Variants in ANK2 observed in about 807,000 individuals in gnomAD.
ANK2 encodes the protein ankyrin-2.
In ANK2, 83 loss-of-function variants were observed where a neutral mutation model predicts 360.5. The observed-to-expected ratio is 0.23, with a 90% CI of 0.19 to 0.28. The LOEUF is 0.28. Ranked by LOEUF, ANK2 falls within the 10% of genes least tolerant of loss-of-function variation. ANK2 has a pLI of 1.00. For synonymous variants in ANK2, 1,740 were observed against 1,759.5 expected, an observed-to-expected ratio of 0.99 and a Z score of 0.28; for missense variants, 4,201 against 4,795.7, an observed-to-expected ratio of 0.88 and a Z score of 3.66.
intron 22 of ANK2, among the ~76,000 whole-genome samples, chr4:113,296,581 T>A (rs115170456): frequency 6.6e-6 from 1 of 152,264 alleles, no homozygotes; most frequent in African/African-American, 2.4e-5. Flanking sequence ...CAGTAGTTTG[T>A]AAAGGAAAAA....
intron 6 of ANK2, 49 bp downstream of exon 6, chr4:113,237,221 A>T (rs1295415038): frequency 1.3e-6 from 2 of 1,569,898 alleles, no homozygotes; most frequent in South Asian, 2.2e-5. Context: ...TGGCTGCCAG[A>T]CTCCTCCTGG....
chr4:112,996,758 A>G (rs1195965681), intron 2 of ANK2, among the ~76,000 whole-genome samples: 1 of 152,142 alleles, frequency 6.6e-6, no homozygotes, highest in Non-Finnish European at 1.5e-5. Flanking sequence ...TACACTCTTT[A>G]TTTTAAAATG....
At chr4:112,885,206 A>C (rs1217081307) in intron 1 of ANK2, among the ~76,000 whole-genome samples, 1 of 152,226 alleles carries the variant, frequency 6.6e-6, no homozygotes, top group African/African-American at 2.4e-5. Flanking sequence ...TTATTTAAAA[A>C]TTAAATAAGC....
intron 45 of ANK2, among the ~76,000 whole-genome samples, chr4:113,374,228 ATACTT>A (rs942044700): frequency 6.6e-6 from 1 of 152,082 alleles, no homozygotes; most frequent in African/African-American, 2.4e-5. Context: ...CTGGCAATCT[ATACTT>A]TAATTTATTT....
intron 45 of ANK2, among the ~76,000 whole-genome samples, chr4:113,381,015 AGCTG>A (rs1258222884): frequency 1.3e-5 from 2 of 152,192 alleles, no homozygotes; most frequent in Non-Finnish European, 2.9e-5. Context: ...GTAAGGTTTA[AGCTG>A]GCAGCCAAGG....
At chr4:112,728,911 TC>T in the ANK2 span, among the ~76,000 whole-genome samples, 1 of 152,100 alleles carries the variant, frequency 6.6e-6, no homozygotes, top group Non-Finnish European at 1.5e-5. Context: ...GTGTGGTGGC[TC>T]AAGCCTGTAA....
chr4:112,850,213 T>A (rs2064341750), intron 1 of ANK2, among the ~76,000 whole-genome samples: 1 of 151,728 alleles, frequency 6.6e-6, no homozygotes, highest in Non-Finnish European at 1.5e-5. Flanking sequence ...CTTCTCGAAC[T>A]CTATAATCAT....
At chr4:112,884,645 G>A (rs2077743720) in intron 1 of ANK2, among the ~76,000 whole-genome samples, 1 of 152,070 alleles carries the variant, frequency 6.6e-6, no homozygotes, top group Admixed American at 6.5e-5. Context: ...CTCCAGCACT[G>A]CCTTTCTCAC....
At chr4:113,205,340 T>A (rs2098932268) in intron 4 of ANK2, among the ~76,000 whole-genome samples, 1 of 152,088 alleles carries the variant, frequency 6.6e-6, no homozygotes, top group Admixed American at 6.5e-5. Flanking sequence ...TACTTGTTCT[T>A]GGAATTTCTT....
At chr4:113,316,772 G>A (rs575794877) in intron 24 of ANK2, among the ~76,000 whole-genome samples, 1 of 152,300 alleles carries the variant, frequency 6.6e-6, no homozygotes, top group Non-Finnish European at 1.5e-5. Flanking sequence ...TTGCATCTAT[G>A]CAAATGTCAA....
chr4:112,792,914 T>C, the ANK2 span, among the ~76,000 whole-genome samples: 1 of 152,216 alleles, frequency 6.6e-6, no homozygotes, highest in African/African-American at 2.4e-5. Flanking sequence ...TGAAACATGC[T>C]TATTATAGCA....
chr4:113,019,064 G>A (rs1253277542), intron 2 of ANK2, among the ~76,000 whole-genome samples: 2 of 152,048 alleles, frequency 1.3e-5, no homozygotes, highest in African/African-American at 4.8e-5. Context: ...TTTATTTAAG[G>A]TCGTAATAAA....
intron 1 of ANK2, among the ~76,000 whole-genome samples, chr4:113,064,577 G>T (rs1020327041): frequency 6.6e-6 from 1 of 152,116 alleles, no homozygotes; most frequent in African/African-American, 2.4e-5. Flanking sequence ...CTCAATTTGT[G>T]GTGGTGTGCT....
intron 2 of ANK2, among the ~76,000 whole-genome samples, chr4:112,924,637 G>A (rs1039968016): frequency 2.0e-5 from 3 of 151,634 alleles, no homozygotes; most frequent in African/African-American, 7.3e-5. Context: ...AAATTGTAAT[G>A]ACAGGAAAAA....
At chr4:113,073,902 T>C (rs1050150358) in intron 1 of ANK2, among the ~76,000 whole-genome samples, 4 of 152,236 alleles carry the variant, frequency 2.6e-5, no homozygotes, top group African/African-American at 9.6e-5. Flanking sequence ...ATTTCCAGTA[T>C]GTTTGCTGCT....
intron 1 of ANK2, among the ~76,000 whole-genome samples, chr4:113,063,030 C>T (rs1426953051): frequency 6.6e-6 from 1 of 152,000 alleles, no homozygotes; most frequent in Non-Finnish European, 1.5e-5. Context: ...TTATAGCTGA[C>T]TGAAAATTCA....
At chr4:113,184,900 TC>T (rs1413707344) in intron 2 of ANK2, among the ~76,000 whole-genome samples, 1 of 152,028 alleles carries the variant, frequency 6.6e-6, no homozygotes, top group Admixed American at 6.6e-5. Flanking sequence ...GATGTTTCCC[TC>T]CGTGTGCCCA....
intron 2 of ANK2, among the ~76,000 whole-genome samples, chr4:112,944,543 C>T (rs922754578): frequency 6.6e-6 from 1 of 152,024 alleles, no homozygotes; most frequent in African/African-American, 2.4e-5. Context: ...GCTTATTAAC[C>T]CTAATTTTGT....
At chr4:113,109,066 C>T (rs2093988854) in intron 1 of ANK2, among the ~76,000 whole-genome samples, 2 of 151,860 alleles carry the variant, frequency 1.3e-5, no homozygotes. Context: ...CATTTGCTAA[C>T]ATTTATAATC....
Sources: allele counts gnomAD v4.1 joint callset (sites outside exome capture counted in the v4.1 genomes callset), GRCh38; gene constraint gnomAD v4.1.1; transcripts MANE v1.5; gene names NCBI Gene and HGNC (gene_info 2026-07-23, HGNC 2026-07-21).